The following RAPGEF5 variants were observed in gnomAD, a reference collection of about 807,000 sequenced individuals.
RAPGEF5 encodes the protein M-Ras-regulated GEF.
In RAPGEF5, 65 loss-of-function variants were observed where a neutral mutation model predicts 125.2. The observed-to-expected ratio is 0.52, with a 90% confidence interval of 0.43 to 0.64. The LOEUF is 0.64. Ranked by LOEUF, RAPGEF5 falls within the 30% of genes least tolerant of loss-of-function variation. The pLI is 0.00. For missense variants in RAPGEF5, 958 were observed against 1,048.1 expected (o/e 0.91, Z 1.19); for synonymous variants, 391 against 385.9 (o/e 1.01, Z -0.16).
At chr7:22,173,300 G>GT (rs1784405042) in intron 11 of RAPGEF5, among the ~76,000 whole-genome samples, 2 of 152,154 alleles carry the variant, frequency 1.3e-5, no homozygotes, top group Non-Finnish European at 2.9e-5. Flanking sequence ...CTTTCCCTGT[G>GT]TATCTTACAT....
chr7:22,166,507 C>G (rs934544879), intron 12 of RAPGEF5, among the ~76,000 whole-genome samples: 11 of 152,358 alleles, frequency 7.2e-5, no homozygotes, highest in African/African-American at 1.9e-4. Context: ...GCTTCCTTAA[C>G]TGGTCATTAA....
At chr7:22,148,661 A>G (rs1023118659) in intron 18 of RAPGEF5, among the ~76,000 whole-genome samples, 19 of 152,172 alleles carry the variant, frequency 1.2e-4, no homozygotes, top group Non-Finnish European at 2.1e-4. Flanking sequence ...CTCTTGGAAC[A>G]TATTTCACAG....
chr7:22,291,096 A>T, intron 6 of RAPGEF5, 79 bp downstream of exon 6: 1 of 1,453,288 alleles, frequency 6.9e-7, no homozygotes, highest in Non-Finnish European at 9.1e-7. Flanking sequence ...TCTCTACACC[A>T]TCACCCAAAG....
At chr7:22,178,033 G>GT (rs1170563098) in intron 11 of RAPGEF5, among the ~76,000 whole-genome samples, 10 of 151,944 alleles carry the variant, frequency 6.6e-5, no homozygotes, top group Admixed American at 1.3e-4. Context: ...ATTTTATTTT[G>GT]TTTTTTATTT....
At chr7:22,289,560 AC>A (rs1782882337) in intron 6 of RAPGEF5, among the ~76,000 whole-genome samples, 1 of 152,260 alleles carries the variant, frequency 6.6e-6, no homozygotes, top group African/African-American at 2.4e-5. Context: ...TGCTTTTTAA[AC>A]AGATGGCTAA....
intron 7 of RAPGEF5, among the ~76,000 whole-genome samples, chr7:22,264,486 CAT>C (rs1228278977): frequency 6.6e-6 from 1 of 152,204 alleles, no homozygotes; most frequent in Non-Finnish European, 1.5e-5. Context: ...TGCAATCTAA[CAT>C]GTGTGGGTCT....
Position 22,291,247 on chromosome 7 carries a change from A to T in RAPGEF5, c.681-6T>A, listed in dbSNP as rs1391741126. The T allele has an allele frequency of 6.6e-7, 1 of 1,516,888 alleles. No individual in the cohort carries two copies. Among genetic ancestry groups the T allele is most frequent in the Non-Finnish European group, 8.8e-7 (1 of 1,134,752 alleles). The allele number at this position is 1,516,888 out of a possible 1,614,324, so 94.0% of individuals were successfully genotyped here. A position where few individuals can be genotyped will look rare whatever the true frequency, so the allele number is the denominator to read the frequency against. On this transcript the variant is annotated splice_polypyrimidine_tract_variant and splice_region_variant and intron_variant, in intron 5 of 25. Coordinates refer to ENST00000665637, the MANE Select transcript of RAPGEF5 (RefSeq NM_012294.5). The stretch of plus-strand genomic sequence containing the variant: ...CTTCAATTTTCTGATGAGACCTAAA[A>T]AAAAAAAAAAGAACAAATTACTTTT...
intron 12 of RAPGEF5, among the ~76,000 whole-genome samples, chr7:22,162,776 C>T (rs1269588210): frequency 6.6e-6 from 1 of 152,172 alleles, no homozygotes; most frequent in Non-Finnish European, 1.5e-5. Context: ...GACCATTTCA[C>T]TGACAGCTGC....
At chr7:22,249,114 C>A (rs908335544) in intron 7 of RAPGEF5, among the ~76,000 whole-genome samples, 1 of 152,192 alleles carries the variant, frequency 6.6e-6, no homozygotes, top group Non-Finnish European at 1.5e-5. Flanking sequence ...GCCCTTGGGA[C>A]CTGCACACAG....
chr7:22,341,883 G>A (rs1784135787), intron 1 of RAPGEF5, among the ~76,000 whole-genome samples: 1 of 152,134 alleles, frequency 6.6e-6, no homozygotes, highest in Non-Finnish European at 1.5e-5. Flanking sequence ...CTTTTCCAGG[G>A]GCACAGTGTA....
At chr7:22,252,810 T>C (rs184069541) in intron 7 of RAPGEF5, among the ~76,000 whole-genome samples, 1 of 152,360 alleles carries the variant, frequency 6.6e-6, no homozygotes, top group Admixed American at 6.5e-5. Context: ...AAGCATCTGC[T>C]GAATGCATTT....
intron 7 of RAPGEF5, among the ~76,000 whole-genome samples, chr7:22,250,349 T>G (rs1786588682): frequency 6.6e-6 from 1 of 152,252 alleles, no homozygotes; most frequent in Non-Finnish European, 1.5e-5. Context: ...TAAGTATTTT[T>G]TATTACATGA....
At chr7:22,261,637 C>T (rs1429285779) in intron 7 of RAPGEF5, among the ~76,000 whole-genome samples, 1 of 151,912 alleles carries the variant, frequency 6.6e-6, no homozygotes, top group Non-Finnish European at 1.5e-5. Flanking sequence ...AAAATAATAA[C>T]GATAATATTA....
At chr7:22,301,459 C>CA (rs1441862123) in intron 5 of RAPGEF5, among the ~76,000 whole-genome samples, 1 of 151,612 alleles carries the variant, frequency 6.6e-6, no homozygotes, top group East Asian at 1.9e-4. Context: ...ACTAAAAATA[C>CA]AAAAAATTAG....
chr7:22,168,149 G>T (rs1225013192), intron 11 of RAPGEF5, among the ~76,000 whole-genome samples: 1 of 152,010 alleles, frequency 6.6e-6, no homozygotes, highest in East Asian at 1.9e-4. Context: ...CCCCACCCCT[G>T]CCACTTTATA....
intron 18 of RAPGEF5, among the ~76,000 whole-genome samples, chr7:22,147,524 T>C (rs556182265): frequency 2.6e-5 from 4 of 152,222 alleles, no homozygotes; most frequent in Non-Finnish European, 4.4e-5. Context: ...CCATAGAAAG[T>C]AAAAAAGTTT....
chr7:22,125,727 G>A, intron 24 of RAPGEF5, 69 bp from the exon 25 acceptor site: 2 of 1,404,416 alleles, frequency 1.4e-6, no homozygotes, highest in Non-Finnish European at 2.0e-6. Flanking sequence ...AGCAGTGCCT[G>A]CTAGGATGGA....
At chr7:22,167,036 G>C (rs1784189985) in intron 12 of RAPGEF5, 34 bp downstream of exon 12, 2 of 1,545,300 alleles carry the variant, frequency 1.3e-6, no homozygotes, top group Admixed American at 1.7e-5. Context: ...CTGAGAGGAA[G>C]TGGACACAGC....
At chr7:22,282,434 T>C (rs1782694413) in intron 6 of RAPGEF5, among the ~76,000 whole-genome samples, 1 of 152,202 alleles carries the variant, frequency 6.6e-6, no homozygotes, top group Non-Finnish European at 1.5e-5. Context: ...ATAAAATCCT[T>C]CAAATTAGGA....
Sources: gnomAD v4.1 joint callset for allele counts (sites outside exome capture counted in the v4.1 genomes callset) on GRCh38, gnomAD v4.1.1 for gene constraint, MANE v1.5 for transcripts, NCBI Gene and HGNC (gene_info 2026-07-23, HGNC 2026-07-21) for gene names.